OPLAH: variants seen among roughly 807,000 people sequenced by gnomAD.
The protein encoded by OPLAH is 5-oxoprolinase.
In OPLAH, 103 loss-of-function variants were observed where a neutral mutation model predicts 122.8. That is an observed-to-expected ratio of 0.84 (90% CI 0.71 to 0.99). OPLAH has a LOEUF of 0.99. Among genes scored for constraint, OPLAH ranks in the 50% least tolerant of loss-of-function variants. The pLI is 0.00. For synonymous variants in OPLAH, 875 were observed against 796.0 expected, an observed-to-expected ratio of 1.10 and a Z score of -1.67; for missense variants, 1,902 against 1,836.5, an observed-to-expected ratio of 1.04 and a Z score of -0.65.
chr8:144,057,239 C>T lies in OPLAH; in HGVS notation c.1504G>A (p.Ala502Thr). 6.2e-7 allele frequency: 1 copy of T among 1,612,256 alleles called. No homozygotes were observed. Among genetic ancestry groups the T allele is most frequent in the East Asian group, 2.2e-5 (1 of 44,874 alleles). Residue 502 changes from alanine to threonine, a missense_variant, in exon 11 of 27, where the codon GCC becomes ACC. By Grantham distance (58) the Ala-to-Thr change is moderately conservative. Transcript: ENST00000618853. The part of the protein sequence containing the change: ...GGQHACAIAR[A>T]LGMDTVHIHR... ...ATGTGCACCGTGTCCATGCCCAGGGCCCGGGCGATGGCACATGCATGCTGC... is the reference window on the plus strand; with the variant it reads ...ATGTGCACCGTGTCCATGCCCAGGGTCCGGGCGATGGCACATGCATGCTGC...
intron 12 of OPLAH, 88 bp downstream of exon 12, chr8:144,056,860 C>T: frequency 6.6e-7 from 1 of 1,514,952 alleles, no homozygotes; most frequent in Middle Eastern, 1.7e-4. Flanking sequence ...CACCCCGGGA[C>T]CACCTGGGAA....
intron 26 of OPLAH, 77 bp from the exon 27 acceptor site, chr8:144,051,549 C>A: frequency 8.0e-7 from 1 of 1,253,888 alleles, no homozygotes; most frequent in Non-Finnish European, 1.1e-6. Context: ...CAGTCCCCTC[C>A]CCACCGGGCA....
chr8:144,051,877 G>A, intron 25 of OPLAH, 39 bp downstream of exon 25: 1 of 1,114,934 alleles, frequency 9.0e-7, no homozygotes, highest in Non-Finnish European at 1.3e-6. Flanking sequence ...GGGTGGGGGC[G>A]GGGGCGGGGA....
rs544489065 is a variant in OPLAH at position 144,057,872 on chromosome 8, G to A, written c.1140C>T (p.Pro380=). The change falls in exon 9 of 27, where the codon CCC becomes CCT. Residue 380 remains proline (P), a synonymous_variant. Transcript: ENST00000618853. ...GACTCTTACCTTTGCGGTAGCAGGC[G>A]GGTCCTGGGTGGGCTCCTGCTGACT... ...GPESAGAHPG[P]ACYRKGGPVT... 48 of 1,611,912 alleles carry A rather than the reference G, an allele frequency of 3.0e-5. No individual in the cohort carries two copies. Among genetic ancestry groups the A allele is most frequent in the Middle Eastern group, 1.7e-4 (1 of 6,058 alleles).
intron 11 of OPLAH, 24 bp from the exon 12 acceptor site, chr8:144,057,142 A>G (rs1554759445): frequency 1.3e-6 from 2 of 1,594,256 alleles, no homozygotes; most frequent in Non-Finnish European, 1.7e-6. Flanking sequence ...CAGCATGGCA[A>G]TGGGAGGTCA....
chr8:144,052,221 G>A lies in OPLAH; in HGVS notation c.3409C>T (p.His1137Tyr), dbSNP rs782453586. The A allele has an allele frequency of 7.0e-6, 11 of 1,572,960 alleles. No homozygotes were observed. The East Asian group carries it at 2.3e-4, about 33-fold the overall frequency. ...GPSWHGRSGV[H>Y]SHMTNTRITD... is the part of the protein sequence containing the mutation. ...ATGCGTGTGTTGGTCATGTGGCTGT[G>A]CACACCGCTGCGCCCGTGCCAGCTG... Residue 1137 changes from histidine to tyrosine, a missense_variant, in exon 24 of 27, where the codon CAC becomes TAC. Physicochemically the swap from His to Tyr is moderately conservative, Grantham distance 83 (BLOSUM62 2). Transcript: ENST00000618853.
In OPLAH at chr8:144,056,702, C is replaced by T; in HGVS notation, c.1760G>A (p.Cys587Tyr). Residue 587 changes from cysteine to tyrosine, a missense_variant, in exon 13 of 27, where the codon TGT becomes TAT. Cys to Tyr is a radical substitution (Grantham distance 194, BLOSUM62 -2). Transcript: ENST00000618853. ...CTGGTGGGCAGACACCATCAGAGCA[C>T]AGTCCGTGCCCTGGTAGCGCAGGTG... is the stretch of plus-strand genomic sequence containing the variant. ...FLHLRYQGTD[C>Y]ALMVSAHQHP... The T allele has an allele frequency of 3.7e-6, 6 of 1,611,626 alleles. No homozygotes were observed. The highest frequency in any genetic ancestry group is 3.4e-6 in the Non-Finnish European group (4 of 1,179,542).
rs1554759605 is a variant in OPLAH, at chr8:144,057,521, A to G, written c.1349T>C (p.Leu450Pro). ...NGPCPASPLS[L>P]EEVAMGFVRV... ...CACGAACCCCATGGCCACCTCCTCCAGGCTCAGCGGGGAGGCCGGGCAGGG... is the reference window on the plus strand; with the variant it reads ...CACGAACCCCATGGCCACCTCCTCCGGGCTCAGCGGGGAGGCCGGGCAGGG... Residue 450 changes from leucine (L) to proline (P), a missense_variant, in exon 10 of 27, where the codon CTG (leucine) becomes CCG (proline). By Grantham distance (98) the Leu-to-Pro change is moderately conservative. Transcript: ENST00000618853. 4.4e-5 allele frequency: 71 copies of G among 1,599,492 alleles called. No individual in the cohort carries two copies. The highest frequency in any genetic ancestry group is 5.8e-5 in the Non-Finnish European group (68 of 1,173,506).
At position 144,055,094 on chromosome 8, in the gene OPLAH, GC is replaced by G. The variant is rs1835479814; in HGVS notation, c.2343del (p.Leu782TrpfsTer37). ...GGGATGTGGGGGGCATTGGACACCA[GC>G]CCCCCATCGGGCCCAAAGAGGGCAC... ...FSCALFGPDGGLVSNAPHIPV... is the reference protein window; with the variant it reads ...FSCALFGPDGXLVSNAPHIPV... On this transcript the variant is annotated frameshift_variant, in exon 17 of 27. Transcript: ENST00000618853. LOFTEE classifies it high-confidence loss of function. The surrounding 1 kb of genome is among the most constrained non-coding windows in gnomAD (Gnocchi z 6.5). 1.3e-6 allele frequency: 2 copies of G among 1,576,634 alleles called. No homozygotes were observed. Among genetic ancestry groups the G allele is most frequent in the East Asian group, 4.5e-5 (2 of 44,576 alleles).
Position 144,053,359 on chromosome 8 carries a change from G to A in OPLAH, c.2721C>T (p.Val907=). 6.2e-7 allele frequency: 1 copy of A among 1,612,486 alleles called. No homozygotes were observed. ...GGTTTCTGGTTCCGCTGCAGTTGGG[G>A]ACCTTGCCTGGCGCCCGCAGGGCCT... ...VTEALRAPGK[V]PNCSGTRNLH... is the part of the protein sequence containing the mutation. The change falls in exon 20 of 27, where the codon GTC becomes GTT. Residue 907 remains valine, a synonymous_variant. Transcript: ENST00000618853.
Position 144,057,086 on chromosome 8 carries a change from G to A in OPLAH, c.1568C>T (p.Ala523Val), listed in dbSNP as rs1554759427. 1 of 1,602,214 alleles carries A rather than the reference G, an allele frequency of 6.2e-7. No individual in the cohort carries two copies. Among genetic ancestry groups the A allele is most frequent in the Admixed American group, 1.7e-5 (1 of 58,326 alleles). ...TGCCTCATGCACCACGTCAGCCAGG[G>A]CCAGCCCCAGGGCCGACAGCAGCCC... is the stretch of plus-strand genomic sequence containing the variant. ...HSGLLSALGLALADVVHEAQE... is the reference protein window; with the variant it reads ...HSGLLSALGLVLADVVHEAQE... The change falls in exon 12 of 27, where the codon GCC (alanine) becomes GTC (valine). Residue 523 changes from alanine to valine, a missense_variant. Around this residue, in one of 3 missense-constraint regions of OPLAH, gnomAD observed 1,726 missense variants for 1,642.1 expected, o/e 1.05. Coordinates refer to ENST00000618853, the MANE Select transcript of OPLAH (RefSeq NM_017570.5).
rs1450932187 is a variant in OPLAH, at chr8:144,059,005, C to T, written c.438G>A (p.Glu146=). 2.5e-6 allele frequency: 4 copies of T among 1,579,258 alleles called. No individual in the cohort carries two copies. The African/African-American group carries it at 5.4e-5, about 21-fold the overall frequency. ...VDERVVLHRG[E]AGTGTPVKGR... ...CTTTCACAGGCGTCCCGGTGCCCGC[C>T]TCTCCACGGTGCAGCACCACGCGTT... Residue 146 remains glutamate, a synonymous_variant, in exon 4 of 27, where the codon GAG becomes GAA. Coordinates refer to ENST00000618853, the MANE Select transcript of OPLAH (RefSeq NM_017570.5).
In OPLAH at chr8:144,060,104, A is replaced by C; in HGVS notation, c.-53-19T>G. The stretch of plus-strand genomic sequence containing the variant: ...GGAAAAACTGGACGGAGGCGGGGTC[A>C]GCCCGGGCTCACCTGCGAGTGGGAC... On this transcript the variant is annotated intron_variant, in intron 1 of 26. Coordinates refer to ENST00000618853, the MANE Select transcript of OPLAH (RefSeq NM_017570.5). The C allele has an allele frequency of 2.0e-6, 3 of 1,511,298 alleles. No homozygotes were observed. The highest frequency in any genetic ancestry group is 2.7e-6 in the Non-Finnish European group (3 of 1,124,788). 93.6% of individuals were successfully genotyped at this position (1,511,298 alleles called of 1,614,324 possible). A position where few individuals can be genotyped will look rare whatever the true frequency, so the allele number is the denominator to read the frequency against.
intron 26 of OPLAH, 109 bp from the exon 27 acceptor site, chr8:144,051,581 G>T: frequency 8.5e-7 from 1 of 1,176,510 alleles, no homozygotes; most frequent in Non-Finnish European, 1.2e-6. Context: ...CCGCCCCCAT[G>T]GACCACGGAG....
rs111254751 is a variant in OPLAH, at chr8:144,059,000, C to G, written c.443G>C (p.Gly148Ala). 5.6e-3 allele frequency: 8,802 copies of G among 1,572,350 alleles called. 72 individuals are homozygous for G. The highest frequency in any genetic ancestry group is 0.028 in the South Asian group (2,376 of 85,638). The change falls in exon 4 of 27, where the codon GGC becomes GCC. Residue 148 changes from glycine (G) to alanine (A), a missense_variant. Physicochemically the swap from Gly to Ala is moderately conservative, Grantham distance 60 (BLOSUM62 0). Transcript: ENST00000618853. Reference sequence around the variant, plus strand: ...CACACCTTTCACAGGCGTCCCGGTGCCCGCCTCTCCACGGTGCAGCACCAC... The same window carrying G: ...CACACCTTTCACAGGCGTCCCGGTGGCCGCCTCTCCACGGTGCAGCACCAC... ...ERVVLHRGEA[G>A]TGTPVKGRTG...
upstream of OPLAH, among the ~76,000 whole-genome samples, chr8:144,062,018 C>CAA (rs1360761983): frequency 2.5e-4 from 15 of 60,280 alleles, no homozygotes; most frequent in Admixed American, 5.6e-4. Flanking sequence ...GACTCCGTCT[C>CAA]AAAAAAAAAA....
downstream of OPLAH, chr8:144,050,858 G>A: frequency 1.0e-6 from 1 of 991,604 alleles, no homozygotes; most frequent in Non-Finnish European, 1.2e-6. Flanking sequence ...ATGCCGAGGC[G>A]GTGAGTTGCG....
chr8:144,062,202 T>C (rs140871524), upstream of OPLAH, among the ~76,000 whole-genome samples: 711 of 152,208 alleles, frequency 4.7e-3, 6 homozygotes, highest in Non-Finnish European at 8.1e-3. Flanking sequence ...CCCTTTCCTG[T>C]AACATTTGTG....
Position 144,060,041 on chromosome 8 carries a change from G to A in OPLAH, c.-9C>T. ...CCCTCGGGGCTGCCCATGGTGGTGG[G>A]GCTGGAGTCCCACAGGAGCTCTTCA... is the stretch of plus-strand genomic sequence containing the variant. On this transcript the variant is annotated 5_prime_UTR_variant, in exon 2 of 27. Transcript: ENST00000618853. 1.2e-6 allele frequency: 2 copies of A among 1,609,786 alleles called. No homozygotes were observed. Among genetic ancestry groups the A allele is most frequent in the South Asian group, 1.1e-5 (1 of 90,830 alleles).
Sources: allele counts gnomAD v4.1 joint callset (sites outside exome capture counted in the v4.1 genomes callset), GRCh38; gene constraint gnomAD v4.1.1; regional missense constraint gnomAD v4.1.1; non-coding constraint Gnocchi (gnomAD v3.1); transcripts MANE v1.5; gene names NCBI Gene and HGNC (gene_info 2026-07-23, HGNC 2026-07-21).